NUGGC: variants seen among roughly 807,000 people sequenced by gnomAD.
The protein encoded by NUGGC is nuclear GTPase, germinal center associated.
A neutral mutation model predicts 92.6 loss-of-function variants in NUGGC; 58 were observed. That is an observed-to-expected ratio of 0.63 (90% CI 0.51 to 0.78). The LOEUF is 0.78. NUGGC is among the 30% of genes least tolerant of loss of function. NUGGC has a pLI of 0.00. For synonymous variants in NUGGC, 376 were observed against 366.4 expected, an observed-to-expected ratio of 1.03 and a Z score of -0.30; for missense variants, 925 against 964.6, an observed-to-expected ratio of 0.96 and a Z score of 0.54.
intron 7 of NUGGC, 96 bp downstream of exon 7, chr8:28,064,426 A>C: frequency 9.5e-7 from 1 of 1,048,398 alleles, no homozygotes. Flanking sequence ...CAATGAACTC[A>C]AAATCCCTGA....
chr8:28,071,807 C>A (rs1334708742), intron 2 of NUGGC, among the ~76,000 whole-genome samples: 1 of 152,156 alleles, frequency 6.6e-6, no homozygotes, highest in Admixed American at 6.6e-5. Context: ...TGGGGCTGGC[C>A]TGCACCTTAG....
At position 28,045,612 on chromosome 8, in the gene NUGGC, T is replaced by G; in HGVS notation, c.1361A>C (p.Lys454Thr). The stretch of plus-strand genomic sequence containing the variant: ...CACATACTTGGTCACTGTCCTCTTC[T>G]TCTTGTCCAAGAGGCTCTTCCTGAT... Reference protein sequence around the residue: ...EYIRKSLLDKKKRTVTKYVTE... With the variant: ...EYIRKSLLDKTKRTVTKYVTE... The change falls in exon 12 of 19, where the codon AAG becomes ACG. Residue 454 changes from lysine to threonine, a missense_variant. Transcript: ENST00000413272. The G allele has an allele frequency of 6.2e-7, 1 of 1,612,988 alleles. No homozygotes were observed. The highest frequency in any genetic ancestry group is 8.5e-7 in the Non-Finnish European group (1 of 1,179,458).
intron 7 of NUGGC, 99 bp downstream of exon 7, chr8:28,064,423 C>T: frequency 9.9e-7 from 1 of 1,013,002 alleles, no homozygotes; most frequent in Non-Finnish European, 1.5e-6. Flanking sequence ...TTCCAATGAA[C>T]TCAAAATCCC....
At chr8:28,028,007 C>G (rs949031705) in intron 17 of NUGGC, among the ~76,000 whole-genome samples, 1 of 151,626 alleles carries the variant, frequency 6.6e-6, no homozygotes, top group Non-Finnish European at 1.5e-5. Context: ...GAAATTTCAC[C>G]CATTGTGTAG....
At position 28,030,417 on chromosome 8, in the gene NUGGC, A is replaced by G. The variant is rs1403658679; in HGVS notation, c.1910T>C (p.Ile637Thr). Residue 637 changes from isoleucine to threonine, a missense_variant and splice_region_variant, in exon 16 of 19, where the codon ATA becomes ACA. Physicochemically the swap from Ile to Thr is moderately conservative, Grantham distance 89. Transcript: ENST00000413272. ...SCKKNFLIQE[I>T]SAILGGLEDH... ...CTCCAGGCCCCCGAGGATGGCACTT[A>G]TCTGGGAAGATGTGGCAAAAGAGGC... 9 of 1,540,536 alleles carry G rather than the reference A, an allele frequency of 5.8e-6. No homozygotes were observed. In the East Asian group the frequency reaches 1.9e-4, roughly 32 times the overall value.
At chr8:28,030,577 G>A (rs775593869) in intron 15 of NUGGC, among the ~76,000 whole-genome samples, 159 bp from the exon 16 acceptor site, 3 of 152,180 alleles carry the variant, frequency 2.0e-5, no homozygotes, top group Non-Finnish European at 4.4e-5. Flanking sequence ...CTTCTCATAG[G>A]CAGGAACTCT....
intron 6 of NUGGC, among the ~76,000 whole-genome samples, chr8:28,067,241 T>C (rs1313601551): frequency 6.6e-6 from 1 of 152,162 alleles, no homozygotes; most frequent in Non-Finnish European, 1.5e-5. Flanking sequence ...TCTTAAAAAA[T>C]CTTTGGCAGC....
chr8:28,081,505 C>T (rs1392159266), intron 1 of NUGGC, among the ~76,000 whole-genome samples: 1 of 152,090 alleles, frequency 6.6e-6, no homozygotes, highest in Admixed American at 6.6e-5. Flanking sequence ...GGAACAGATG[C>T]CACCTTAGCT....
In NUGGC at chr8:28,023,401, C is replaced by T. The variant is rs1454486911; in HGVS notation, c.2307G>A (p.Glu769=). Residue 769 remains glutamate, a synonymous_variant, in exon 19 of 19, where the codon GAG becomes GAA. Coordinates refer to ENST00000413272, the MANE Select transcript of NUGGC (RefSeq NM_001010906.2). ...KLHRSLREVA[E]NARLRKGMQE... The stretch of plus-strand genomic sequence containing the variant: ...GCATGCCCTTCCTCAGCCGTGCATT[C>T]TCCGCGACCTCCCTCAGGCTTCTGT... The T allele has an allele frequency of 1.2e-6, 2 of 1,614,010 alleles. No individual in the cohort carries two copies. The highest frequency in any genetic ancestry group is 1.7e-6 in the Non-Finnish European group (2 of 1,179,886).
In NUGGC at chr8:28,022,268, C is replaced by T. The variant is rs1809137720; in HGVS notation, c.*1049G>A. 6.7e-6 allele frequency: 1 copy of T among 149,796 alleles called. No individual in the cohort carries two copies. Among genetic ancestry groups the T allele is most frequent in the African/African-American group, 2.4e-5 (1 of 40,954 alleles). The allele number at this position is 149,796 out of a possible 1,614,324, so 9.3% of individuals were successfully genotyped here. A position where few individuals can be genotyped will look rare whatever the true frequency, so the allele number is the denominator to read the frequency against. On this transcript the variant is annotated 3_prime_UTR_variant, in exon 19 of 19. Coordinates refer to ENST00000413272, the MANE Select transcript of NUGGC (RefSeq NM_001010906.2). ...ATGCCTCCTGGGTTCAAGCGATTCTCCTGCCTCAGCCTCCCAAGTAGCTGG... is the reference window on the plus strand; with the variant it reads ...ATGCCTCCTGGGTTCAAGCGATTCTTCTGCCTCAGCCTCCCAAGTAGCTGG...
At chr8:28,025,313 T>C (rs1003139091) in intron 18 of NUGGC, among the ~76,000 whole-genome samples, 2 of 152,200 alleles carry the variant, frequency 1.3e-5, no homozygotes, top group African/African-American at 4.8e-5. Context: ...CCTGACATGA[T>C]GTATATTTGC....
chr8:28,060,248 A>G (rs1346324388), intron 8 of NUGGC, 178 bp downstream of exon 8: 1 of 723,522 alleles, frequency 1.4e-6, no homozygotes, highest in South Asian at 1.5e-5. Flanking sequence ...TCCTAAGACA[A>G]CCCAACCAAG....
intron 18 of NUGGC, among the ~76,000 whole-genome samples, chr8:28,024,178 G>A (rs571713241): frequency 2.7e-5 from 4 of 149,140 alleles, no homozygotes; most frequent in East Asian, 4.0e-4. Context: ...CCACCACCTC[G>A]CCTAGCTAAA....
intron 1 of NUGGC, among the ~76,000 whole-genome samples, chr8:28,079,932 T>TTTGTTTG (rs112639749): frequency 6.6e-6 from 1 of 150,830 alleles, no homozygotes; most frequent in African/African-American, 2.4e-5. Context: ...TTCTTTGTTT[T>TTTGTTTG]TTTGTTTGTT....
chr8:28,066,565 T>A (rs1810445294), intron 6 of NUGGC, among the ~76,000 whole-genome samples: 1 of 152,184 alleles, frequency 6.6e-6, no homozygotes, highest in Non-Finnish European at 1.5e-5. Flanking sequence ...TTACCAATAA[T>A]CACTAGATTT....
At position 28,041,114 on chromosome 8, in the gene NUGGC, A is replaced by T; in HGVS notation, c.1548T>A (p.Pro516=). 6.2e-7 allele frequency: 1 copy of T among 1,608,760 alleles called. No individual in the cohort carries two copies. The highest frequency in any genetic ancestry group is 2.2e-5 in the East Asian group (1 of 44,672). ...TGGCGGTCCTGACCCCTTCTTGCAG[A>T]GGCTGCTCCATGCAGGCGAAGCACT... The part of the protein sequence containing the change: ...IAQCFACMEQ[P]LQEGVRTART... The change falls in exon 13 of 19, where the codon CCT becomes CCA. Residue 516 remains proline, a synonymous_variant. Transcript: ENST00000413272.
At chr8:28,079,006 C>T (rs1331664004) in intron 1 of NUGGC, among the ~76,000 whole-genome samples, 1 of 152,204 alleles carries the variant, frequency 6.6e-6, no homozygotes, top group Non-Finnish European at 1.5e-5. Context: ...CATTCATGTG[C>T]ACTGAACCTA....
chr8:28,077,686 T>C (rs756485945), intron 1 of NUGGC, among the ~76,000 whole-genome samples: 12 of 152,258 alleles, frequency 7.9e-5, no homozygotes, highest in Admixed American at 2.6e-4. Context: ...ATTATCACAG[T>C]GAGCACTGGA....
rs115398388 is a variant in NUGGC at position 28,068,839 on chromosome 8, C to A, written c.258-401G>T. Among the ~76,000 whole-genome samples, 970 of 152,196 alleles carry A rather than the reference C, an allele frequency of 6.4e-3. 12 individuals are homozygous for A. The highest frequency in any genetic ancestry group is 0.022 in the African/African-American group (925 of 41,522). On this transcript the variant is annotated intron_variant, in intron 4 of 18. Transcript: ENST00000413272. ...GCAGCCTTAACCTCCTAGGCTCAAG[C>A]GACTCCCTTGCCTCAGCCTCTGAAG...
Sources: allele counts gnomAD v4.1 joint callset (sites outside exome capture counted in the v4.1 genomes callset), GRCh38; gene constraint gnomAD v4.1.1; transcripts MANE v1.5; gene names NCBI Gene and HGNC (gene_info 2026-07-23, HGNC 2026-07-21).